ADAMTS2: variants seen among roughly 807,000 people sequenced by gnomAD.
ADAMTS2 encodes ADAM metallopeptidase with thrombospondin type 1 motif 2, also known as A disintegrin and metalloproteinase with thrombospondin motifs 2.
A neutral mutation model predicts 123.0 loss-of-function variants in ADAMTS2; 50 were observed. The observed-to-expected ratio is 0.41, with a 90% CI of 0.32 to 0.51. ADAMTS2 has a LOEUF of 0.51. Among genes scored for constraint, ADAMTS2 ranks in the 20% least tolerant of loss-of-function variants. The pLI is 0.35. For missense variants in ADAMTS2, 1,494 were observed against 1,705.2 expected (o/e 0.88, Z 2.18); for synonymous variants, 678 against 695.4 (o/e 0.98, Z 0.39).
chr5:179,132,045 A>C lies in ADAMTS2; in HGVS notation c.2290+185T>G, dbSNP rs796122256. 4.6e-5 allele frequency among the ~76,000 whole-genome samples: 7 copies of C among 152,188 alleles called. No homozygotes were observed. Among genetic ancestry groups the C allele is most frequent in the African/African-American group, 1.7e-4 (7 of 41,454 alleles). Reference sequence around the variant, plus strand: ...TGATCCCAAACCCTGGCCTCTCCACAAGGGGAGGACCCTGGGAAAGGGCCC... The same window carrying C: ...TGATCCCAAACCCTGGCCTCTCCACCAGGGGAGGACCCTGGGAAAGGGCCC... On this transcript the variant is annotated intron_variant, in intron 15 of 21. Coordinates refer to ENST00000251582, the MANE Select transcript of ADAMTS2 (RefSeq NM_014244.5). This position sits in a 1 kb window ranked among gnomAD's most constrained non-coding sequence, Gnocchi z 6.1.
chr5:179,127,869 T>A, intron 17 of ADAMTS2, 90 bp downstream of exon 17: 5 of 1,492,028 alleles, frequency 3.4e-6, no homozygotes, highest in East Asian at 2.6e-5. Context: ...CCTCGGCCCC[T>A]GCTCACGCTG....
chr5:179,154,340 C>T (rs1581156901), intron 7 of ADAMTS2, 148 bp from the exon 8 acceptor site: 1 of 1,185,556 alleles, frequency 8.4e-7, no homozygotes, highest in Non-Finnish European at 1.2e-6. Context: ...CGACCATCTA[C>T]CTGCTGCAAT....
In ADAMTS2 at chr5:179,228,262, G is replaced by A. The variant is rs1431428511; in HGVS notation, c.689-20547C>T. 2.6e-5 allele frequency among the ~76,000 whole-genome samples: 4 copies of A among 152,182 alleles called. No individual in the cohort carries two copies. The highest frequency in any genetic ancestry group is 5.9e-5 in the Non-Finnish European group (4 of 68,028). ...TCCTGATCTGAAAAGTAGGCATAAC[G>A]ATGCTGGCCACAGCCCACAAGTAAG... is the stretch of plus-strand genomic sequence containing the variant. On this transcript the variant is annotated intron_variant, in intron 3 of 21. Coordinates refer to ENST00000251582, the MANE Select transcript of ADAMTS2 (RefSeq NM_014244.5). This position sits in a 1 kb window ranked among gnomAD's most constrained non-coding sequence, Gnocchi z 5.2.
chr5:179,270,587 A>G (rs1235098472), intron 3 of ADAMTS2, among the ~76,000 whole-genome samples: 1 of 152,088 alleles, frequency 6.6e-6, no homozygotes, highest in Non-Finnish European at 1.5e-5. Flanking sequence ...TGTGCCCCTC[A>G]CTATGCCTGG....
At chr5:179,199,607 A>AGTGG (rs1402307481) in intron 4 of ADAMTS2, among the ~76,000 whole-genome samples, 1 of 152,138 alleles carries the variant, frequency 6.6e-6, no homozygotes, top group Admixed American at 6.5e-5. Context: ...CTCAGACCCC[A>AGTGG]GTGGGTGTGC....
At chr5:179,288,543 G>A (rs910218604) in intron 2 of ADAMTS2, among the ~76,000 whole-genome samples, 3 of 152,238 alleles carry the variant, frequency 2.0e-5, no homozygotes, top group African/African-American at 7.2e-5. Context: ...TCCGGGGGAG[G>A]GGCGGGGGCA....
rs57568808 is a variant in ADAMTS2, at chr5:179,223,536, ACACT to A, written c.689-15825_689-15822del. Among the ~76,000 whole-genome samples the A allele has an allele frequency of 2.9e-3, 115 of 39,738 alleles. No individual in the cohort carries two copies. In the East Asian group the frequency reaches 0.075, roughly 26 times the overall value. The allele number at this position is 39,738 out of a possible 152,430, so 26.1% of individuals were successfully genotyped here. On this transcript the variant is annotated intron_variant, in intron 3 of 21. Transcript: ENST00000251582. ...CGAATGCACTCACACACATGCACTC[ACACT>A]CACACGAATGCACTCACACACACGC...
Position 179,272,878 on chromosome 5 carries a change from T to C in ADAMTS2, c.688+33A>G. 6.2e-7 allele frequency: 1 copy of C among 1,600,988 alleles called. No individual in the cohort carries two copies. Among genetic ancestry groups the C allele is most frequent in the African/African-American group, 1.3e-5 (1 of 74,904 alleles). On this transcript the variant is annotated intron_variant, in intron 3 of 21. Transcript: ENST00000251582. This position sits in a 1 kb window ranked among gnomAD's most constrained non-coding sequence, Gnocchi z 5.8. Reference sequence around the variant, plus strand: ...TGGGGACCAGGGCCTCAGAGGGCTCTCCACACAGCCTGCCCACCTGCAGTA... The same window carrying C: ...TGGGGACCAGGGCCTCAGAGGGCTCCCCACACAGCCTGCCCACCTGCAGTA...
At chr5:179,320,980 A>G (rs1358864472) in intron 2 of ADAMTS2, among the ~76,000 whole-genome samples, 2 of 152,198 alleles carry the variant, frequency 1.3e-5, no homozygotes, top group Admixed American at 6.5e-5. Context: ...GGGAAAAAAA[A>G]CAACTGAAAA....
chr5:179,317,642 G>A lies in ADAMTS2; in HGVS notation c.534+26125C>T, dbSNP rs1434627409. On this transcript the variant is annotated intron_variant, in intron 2 of 21. Coordinates refer to ENST00000251582, the MANE Select transcript of ADAMTS2 (RefSeq NM_014244.5). The surrounding 1 kb of genome is among the most constrained non-coding windows in gnomAD (Gnocchi z 4.9). ...CCCCCGGATGGCCAGCGGGCACAGAGCATATGTGTGCTGAGGGACACATGC... is the reference window on the plus strand; with the variant it reads ...CCCCCGGATGGCCAGCGGGCACAGAACATATGTGTGCTGAGGGACACATGC... Among the ~76,000 whole-genome samples the A allele has an allele frequency of 6.6e-6, 1 of 152,170 alleles. No individual in the cohort carries two copies. The highest frequency in any genetic ancestry group is 1.5e-5 in the Non-Finnish European group (1 of 68,026).
At chr5:179,327,653 G>A (rs1008763177) in intron 2 of ADAMTS2, among the ~76,000 whole-genome samples, 5 of 152,152 alleles carry the variant, frequency 3.3e-5, no homozygotes, top group Non-Finnish European at 7.3e-5. Context: ...GCCACCGTGG[G>A]GAAATGGGCC....
intron 5 of ADAMTS2, among the ~76,000 whole-genome samples, chr5:179,164,803 AG>A (rs1277182068): frequency 6.6e-6 from 1 of 152,198 alleles, no homozygotes; most frequent in Non-Finnish European, 1.5e-5. Context: ...GCCTGGTGGC[AG>A]CACCCAAAAC....
chr5:179,341,638 G>T (rs575683932), intron 2 of ADAMTS2, among the ~76,000 whole-genome samples: 117 of 151,826 alleles, frequency 7.7e-4, no homozygotes, highest in African/African-American at 2.7e-3. Flanking sequence ...GCGTGAACCC[G>T]GAAGGCAGAG....
intron 3 of ADAMTS2, 127 bp from the exon 4 acceptor site, chr5:179,207,842 T>C: frequency 2.3e-6 from 2 of 854,358 alleles, no homozygotes; most frequent in South Asian, 1.4e-5. Context: ...ATTATTCCAT[T>C]TTACAGAGGA....
At chr5:179,246,362 A>G (rs1021467835) in intron 3 of ADAMTS2, among the ~76,000 whole-genome samples, 6 of 152,200 alleles carry the variant, frequency 3.9e-5, no homozygotes, top group African/African-American at 1.4e-4. Flanking sequence ...GGTTTCCCAG[A>G]CAGTGTTTGT....
At chr5:179,168,887 C>T (rs998377704) in intron 5 of ADAMTS2, among the ~76,000 whole-genome samples, 1 of 152,184 alleles carries the variant, frequency 6.6e-6, no homozygotes, top group African/African-American at 2.4e-5. Context: ...GGGCAGGAGG[C>T]GTGCACCTCA....
At chr5:179,196,136 C>T (rs762473587) in intron 4 of ADAMTS2, among the ~76,000 whole-genome samples, 26 of 152,216 alleles carry the variant, frequency 1.7e-4, no homozygotes, top group African/African-American at 6.0e-4. Context: ...CATATGCCTT[C>T]GGATTGTTTG....
chr5:179,328,002 G>A (rs1441813236), intron 2 of ADAMTS2, among the ~76,000 whole-genome samples: 1 of 152,140 alleles, frequency 6.6e-6, no homozygotes, highest in Non-Finnish European at 1.5e-5. Context: ...GCAAACATGG[G>A]AAACATCCAA....
intron 10 of ADAMTS2, among the ~76,000 whole-genome samples, chr5:179,144,575 A>T (rs1763223457): frequency 6.6e-6 from 1 of 152,242 alleles, no homozygotes; most frequent in Non-Finnish European, 1.5e-5. Flanking sequence ...AAATATACCG[A>T]CGGAATAGAA....
Sources: allele counts gnomAD v4.1 joint callset (sites outside exome capture counted in the v4.1 genomes callset), GRCh38; gene constraint gnomAD v4.1.1; non-coding constraint Gnocchi (gnomAD v3.1); transcripts MANE v1.5; gene names NCBI Gene and HGNC (gene_info 2026-07-23, HGNC 2026-07-21).